ANKMY1: variants seen among roughly 807,000 people sequenced by gnomAD.
ANKMY1 encodes ankyrin repeat and MYND domain-containing protein 1.
In ANKMY1, 98 loss-of-function variants were observed where a neutral mutation model predicts 102.0. The ratio of observed to expected loss-of-function variants is 0.96; its 90% CI spans 0.82 to 1.14. The LOEUF is 1.14. Among genes scored for constraint, ANKMY1 ranks in the 50% most tolerant of loss-of-function variants. The probability of loss-of-function intolerance (pLI) is 0.00; values close to 1 mark genes in which losing one functional copy is unlikely to be tolerated. For synonymous variants in ANKMY1, 582 were observed against 559.9 expected, an observed-to-expected ratio of 1.04 and a Z score of -0.56; for missense variants, 1,330 against 1,347.6, an observed-to-expected ratio of 0.99 and a Z score of 0.20.
intron 15 of ANKMY1, among the ~76,000 whole-genome samples, chr2:240,490,803 C>T (rs2076558438): frequency 6.6e-6 from 1 of 152,084 alleles, no homozygotes; most frequent in African/African-American, 2.4e-5. Context: ...ATATATTCTG[C>T]ATTTGTTAGA....
intron 2 of ANKMY1, among the ~76,000 whole-genome samples, chr2:240,556,302 T>G (rs1377819791): frequency 6.6e-6 from 1 of 152,186 alleles, no homozygotes; most frequent in Non-Finnish European, 1.5e-5. Flanking sequence ...AGCCTCCTAA[T>G]TGCCATCATG....
intron 4 of ANKMY1, among the ~76,000 whole-genome samples, chr2:240,533,708 G>A (rs1225779285): frequency 7.6e-6 from 1 of 131,212 alleles, no homozygotes; most frequent in Non-Finnish European, 1.6e-5. Context: ...TATTGGGCTG[G>A]ATTTCAATAA....
intron 13 of ANKMY1, among the ~76,000 whole-genome samples, chr2:240,503,786 C>T (rs1431172508): frequency 6.6e-6 from 1 of 152,218 alleles, no homozygotes; most frequent in Non-Finnish European, 1.5e-5. Context: ...GATCTGTGAA[C>T]GTGACTTTAT....
intron 4 of ANKMY1, among the ~76,000 whole-genome samples, chr2:240,545,148 G>A (rs1429061800): frequency 2.6e-5 from 4 of 152,204 alleles, no homozygotes; most frequent in African/African-American, 4.8e-5. Context: ...CTCCCAGCAC[G>A]CAGCTGGAGA....
At chr2:240,560,587 G>C (rs1055551704), upstream of ANKMY1, 4 of 1,323,480 alleles carry the variant, frequency 3.0e-6, no homozygotes, top group Admixed American at 4.1e-5. Context: ...GGGGGCGCCC[G>C]GCGGCCCGCC....
At chr2:240,481,199 A>AT in intron 16 of ANKMY1, 102 bp from the exon 17 acceptor site, 2 of 1,451,704 alleles carry the variant, frequency 1.4e-6, no homozygotes, top group Non-Finnish European at 1.9e-6. Context: ...CTCCTGGGCT[A>AT]TTCCCCACCG....
chr2:240,513,794 C>T (rs1160975069), intron 9 of ANKMY1, among the ~76,000 whole-genome samples: 1 of 152,268 alleles, frequency 6.6e-6, no homozygotes, highest in Non-Finnish European at 1.5e-5. Flanking sequence ...GCGACCTCCA[C>T]ACAGCCCAAC....
intron 4 of ANKMY1, among the ~76,000 whole-genome samples, chr2:240,531,006 T>C (rs1433279955): frequency 6.6e-6 from 1 of 151,726 alleles, no homozygotes; most frequent in East Asian, 1.9e-4. Context: ...GGATAAAATA[T>C]TTATAAGTAT....
chr2:240,555,062 G>C lies in ANKMY1; in HGVS notation c.147-7C>G, dbSNP rs1461407744. On this transcript the variant is annotated splice_polypyrimidine_tract_variant and splice_region_variant and intron_variant, in intron 2 of 17. Transcript: ENST00000401804. ...AGGGGCTGCTGAAACATCCCTAAAA[G>C]GACAGGAGCAGAAGGAGGGAAGAGT... is the stretch of plus-strand genomic sequence containing the variant. 1 of 1,613,578 alleles carries C rather than the reference G, an allele frequency of 6.2e-7. No individual in the cohort carries two copies. The highest frequency in any genetic ancestry group is 2.2e-5 in the East Asian group (1 of 44,876).
chr2:240,523,860 C>CT, intron 8 of ANKMY1, 25 bp downstream of exon 8: 6 of 1,602,118 alleles, frequency 3.7e-6, no homozygotes, highest in Non-Finnish European at 5.1e-6. Context: ...GCCCTCCACC[C>CT]CCACCAGCTG....
At chr2:240,525,997 T>G in intron 6 of ANKMY1, 148 bp from the exon 7 acceptor site, 1 of 1,111,460 alleles carries the variant, frequency 9.0e-7, no homozygotes, top group Non-Finnish European at 1.3e-6. Flanking sequence ...GGGACAAGTG[T>G]GGGACAGAGG....
At chr2:240,518,795 A>G (rs1242227796) in intron 9 of ANKMY1, among the ~76,000 whole-genome samples, 1 of 152,118 alleles carries the variant, frequency 6.6e-6, no homozygotes, top group Non-Finnish European at 1.5e-5. Context: ...CAATCAGTAA[A>G]CCTAAAAAGG....
Position 240,525,862 on chromosome 2 carries a change from G to C in ANKMY1, c.1171-13C>G, listed in dbSNP as rs1471245316. On this transcript the variant is annotated splice_polypyrimidine_tract_variant and intron_variant, in intron 6 of 17. Coordinates refer to ENST00000401804, the MANE Select transcript of ANKMY1 (RefSeq NM_001282771.3). ...TGTGGCAGTGAGTCTGGAGGGAGATGAGGCAGGACTCAGGATGATGCACCT... is the reference window on the plus strand; with the variant it reads ...TGTGGCAGTGAGTCTGGAGGGAGATCAGGCAGGACTCAGGATGATGCACCT... 6.2e-7 allele frequency: 1 copy of C among 1,613,022 alleles called. No homozygotes were observed. The highest frequency in any genetic ancestry group is 8.5e-7 in the Non-Finnish European group (1 of 1,179,488).
chr2:240,545,001 C>T (rs1372577190), intron 4 of ANKMY1, among the ~76,000 whole-genome samples: 2 of 151,756 alleles, frequency 1.3e-5, no homozygotes, highest in Non-Finnish European at 2.9e-5. Context: ...CTGGGTGGAG[C>T]CCACCACAGC....
intron 4 of ANKMY1, among the ~76,000 whole-genome samples, chr2:240,539,046 A>T (rs894620967): frequency 1.3e-5 from 2 of 152,232 alleles, no homozygotes; most frequent in Non-Finnish European, 2.9e-5. Flanking sequence ...TGGACCAATC[A>T]GCAGGATGTG....
the ANKMY1 span, among the ~76,000 whole-genome samples, chr2:240,472,266 C>T: frequency 2.3e-5 from 3 of 128,278 alleles, no homozygotes; most frequent in African/African-American, 2.7e-5. Context: ...AATCTACGGC[C>T]GCACGCGGGG....
chr2:240,498,260 A>G (rs1170655614), intron 15 of ANKMY1, among the ~76,000 whole-genome samples: 4 of 10,590 alleles, frequency 3.8e-4, no homozygotes, highest in African/African-American at 2.1e-3. Flanking sequence ...TGAGTTGGTG[A>G]GGGCTGGGGT....
intron 13 of ANKMY1, among the ~76,000 whole-genome samples, chr2:240,504,293 C>A (rs1308586263): frequency 1.3e-5 from 2 of 152,218 alleles, no homozygotes; most frequent in African/African-American, 4.8e-5. Context: ...GGACTCAGAT[C>A]CCATGAAACC....
chr2:240,499,727 G>A lies in ANKMY1; in HGVS notation c.2806+231C>T, dbSNP rs1433777261. Among the ~76,000 whole-genome samples the A allele has an allele frequency of 1.3e-5, 2 of 152,118 alleles. No individual in the cohort carries two copies. The highest frequency in any genetic ancestry group is 6.5e-5 in the Admixed American group (1 of 15,294). On this transcript the variant is annotated intron_variant, in intron 15 of 17. Coordinates refer to ENST00000401804, the MANE Select transcript of ANKMY1 (RefSeq NM_001282771.3). This position sits in a 1 kb window ranked among gnomAD's most constrained non-coding sequence, Gnocchi z 4.2. ...CCTCTGACCTGGGCCCTGGCCCTAG[G>A]CCACCAACTCCTCTTCCCAGGGACA...
Sources: gnomAD v4.1 joint callset for allele counts (sites outside exome capture counted in the v4.1 genomes callset) on GRCh38, gnomAD v4.1.1 for gene constraint, Gnocchi (gnomAD v3.1) non-coding constraint, MANE v1.5 for transcripts, NCBI Gene and HGNC (gene_info 2026-07-23, HGNC 2026-07-21) for gene names.